GRM3: variants seen among roughly 807,000 people sequenced by gnomAD.
The protein encoded by GRM3 is glutamate metabotropic receptor 3.
Under a neutral mutation model 70.5 loss-of-function variants are expected in GRM3, and 26 were observed. The ratio of observed to expected loss-of-function variants is 0.37; its 90% CI spans 0.27 to 0.51. The LOEUF (loss-of-function observed/expected upper bound fraction) is 0.51, where lower values mean the gene tolerates loss of function less well. GRM3 is among the 20% of genes least tolerant of loss of function. The pLI, the probability that GRM3 is intolerant of heterozygous loss-of-function variation, is 0.93. For synonymous variants in GRM3, 443 were observed against 434.9 expected (o/e 1.02, Z -0.23); for missense variants, 859 against 1,123.8 (o/e 0.76, Z 3.37).
Position 86,839,855 on chromosome 7 carries a change from A to T in GRM3, c.2341A>T (p.Ile781Phe). The stretch of plus-strand genomic sequence containing the variant: ...TTTTACCATGTACACCACGTGCATC[A>T]TCTGGTTGGCCTTCCTCCCTATATT... ...IGFTMYTTCI[I>F]WLAFLPIFYV... The change falls in exon 4 of 6, where the codon ATC becomes TTC. Residue 781 changes from isoleucine to phenylalanine, a missense_variant. Transcript: ENST00000361669. This position sits in a 1 kb window ranked among gnomAD's most constrained non-coding sequence, Gnocchi z 4.5. 1 of 1,613,706 alleles carries T rather than the reference A, an allele frequency of 6.2e-7. No homozygotes were observed.
chr7:86,840,141 C>T (rs776748998), intron 4 of GRM3, among the ~76,000 whole-genome samples: 36 of 152,074 alleles, frequency 2.4e-4, no homozygotes, highest in South Asian at 1.7e-3. Context: ...ATAAATGATA[C>T]GGTCATTTAC....
In GRM3 at chr7:86,709,583, A is replaced by C. The variant is rs76887509; in HGVS notation, c.-140-55423A>C. On this transcript the variant is annotated intron_variant, in intron 1 of 5. Transcript: ENST00000361669. The stretch of plus-strand genomic sequence containing the variant: ...GTACCTTCGGGGGGGTGGGGGTAGC[A>C]AATGGAACCACTCTGCTCTCATCCC... 9.3e-3 allele frequency among the ~76,000 whole-genome samples: 1,417 copies of C among 152,144 alleles called. 11 individuals carry two copies. The highest frequency in any genetic ancestry group is 0.022 in the South Asian group (107 of 4,818).
intron 1 of GRM3, among the ~76,000 whole-genome samples, chr7:86,645,541 T>C (rs932638907): frequency 2.6e-5 from 4 of 152,166 alleles, no homozygotes; most frequent in African/African-American, 9.6e-5. Flanking sequence ...GGCGGGAGAT[T>C]TGCGATCCAA....
rs554118041 is a variant in GRM3 at position 86,711,128 on chromosome 7, T to G, written c.-140-53878T>G. Among the ~76,000 whole-genome samples, 74 of 152,074 alleles carry G rather than the reference T, an allele frequency of 4.9e-4. 1 individual carries two copies. The highest frequency in any genetic ancestry group is 2.2e-4 in the Non-Finnish European group (15 of 67,962). On this transcript the variant is annotated intron_variant, in intron 1 of 5. Coordinates refer to ENST00000361669, the MANE Select transcript of GRM3 (RefSeq NM_000840.3). ...AGGGACCATAATAAAATATATTTCT[T>G]GTAGTAGGGGCTCAATATGATTTGT...
chr7:86,838,025 C>T (rs1486182357), intron 3 of GRM3, among the ~76,000 whole-genome samples: 3 of 152,148 alleles, frequency 2.0e-5, no homozygotes, highest in Non-Finnish European at 4.4e-5. Flanking sequence ...CATGTATGCT[C>T]AGAGCTTCTG....
chr7:86,758,733 A>T (rs770428634), intron 1 of GRM3, among the ~76,000 whole-genome samples: 9 of 152,152 alleles, frequency 5.9e-5, no homozygotes, highest in Non-Finnish European at 1.2e-4. Flanking sequence ...CTCTAAATTC[A>T]GAAGATAAAG....
At chr7:86,758,468 G>A (rs1195963850) in intron 1 of GRM3, among the ~76,000 whole-genome samples, 1 of 152,160 alleles carries the variant, frequency 6.6e-6, no homozygotes, top group Non-Finnish European at 1.5e-5. Flanking sequence ...GCTTTGTAAT[G>A]AGGGTAAGGA....
At chr7:86,688,384 T>G (rs995855782) in intron 1 of GRM3, among the ~76,000 whole-genome samples, 1 of 151,618 alleles carries the variant, frequency 6.6e-6, no homozygotes. Flanking sequence ...TAAGTAGAAG[T>G]GCAAAATATA....
chr7:86,739,503 C>T (rs1440274620), intron 1 of GRM3, among the ~76,000 whole-genome samples: 5 of 152,184 alleles, frequency 3.3e-5, no homozygotes, highest in Admixed American at 2.6e-4. Flanking sequence ...GAATTACCTA[C>T]GTAGAACGGC....
chr7:86,817,468 T>A (rs1798039198), intron 3 of GRM3, among the ~76,000 whole-genome samples: 1 of 151,980 alleles, frequency 6.6e-6, no homozygotes, highest in Non-Finnish European at 1.5e-5. Flanking sequence ...TTTTCTCCAG[T>A]TACATCCTAT....
At chr7:86,795,267 T>C (rs1013947103) in intron 3 of GRM3, among the ~76,000 whole-genome samples, 3 of 143,426 alleles carry the variant, frequency 2.1e-5, no homozygotes, top group Non-Finnish European at 4.5e-5. Flanking sequence ...TATTTTATTT[T>C]ATTTTATTTT....
chr7:86,669,555 T>G (rs1427472992), intron 1 of GRM3, among the ~76,000 whole-genome samples: 1 of 152,234 alleles, frequency 6.6e-6, no homozygotes, highest in Non-Finnish European at 1.5e-5. Flanking sequence ...AAGACTTAGC[T>G]GTGAGTTCCT....
chr7:86,744,990 T>C (rs1796070038), intron 1 of GRM3, among the ~76,000 whole-genome samples: 1 of 151,990 alleles, frequency 6.6e-6, no homozygotes, highest in Non-Finnish European at 1.5e-5. Flanking sequence ...TTAGTTGTCT[T>C]GGCATTTCAT....
intron 3 of GRM3, among the ~76,000 whole-genome samples, chr7:86,806,540 A>G (rs922543151): frequency 2.0e-5 from 3 of 152,338 alleles, no homozygotes; most frequent in African/African-American, 7.2e-5. Flanking sequence ...GGCTGCATAA[A>G]TGTCTTCTTT....
intron 1 of GRM3, among the ~76,000 whole-genome samples, chr7:86,654,000 G>A (rs1199719500): frequency 1.3e-5 from 2 of 152,286 alleles, no homozygotes; most frequent in African/African-American, 2.4e-5. Flanking sequence ...GATCTGCAGC[G>A]TGGGGGCAGG....
At chr7:86,686,493 A>G (rs1330924778) in intron 1 of GRM3, among the ~76,000 whole-genome samples, 9 of 152,232 alleles carry the variant, frequency 5.9e-5, no homozygotes, top group African/African-American at 2.2e-4. Flanking sequence ...TTTTTAAGGA[A>G]AAACAGTTTA....
At position 86,839,983 on chromosome 7, in the gene GRM3, T is replaced by C. The variant is rs1798530619; in HGVS notation, c.2391+78T>C. The C allele has an allele frequency of 2.5e-6, 2 of 791,562 alleles. No individual in the cohort carries two copies. Among genetic ancestry groups the C allele is most frequent in the East Asian group, 4.9e-5 (2 of 40,726 alleles). The allele number at this position is 791,562 out of a possible 1,614,324, so 49.0% of individuals were successfully genotyped here. A position where few individuals can be genotyped will look rare whatever the true frequency, so the allele number is the denominator to read the frequency against. On this transcript the variant is annotated intron_variant, in intron 4 of 5. Transcript: ENST00000361669. The surrounding 1 kb of genome is among the most constrained non-coding windows in gnomAD (Gnocchi z 4.5). ...TTGTGTAGTATTTAAAATAGACTCC[T>C]TTTATTTCATCTCAACGAGTTGGGT...
chr7:86,769,532 G>T (rs566197599), intron 2 of GRM3, among the ~76,000 whole-genome samples: 1 of 152,246 alleles, frequency 6.6e-6, no homozygotes, highest in African/African-American at 2.4e-5. Flanking sequence ...TTCAGGAAGT[G>T]CTTTCTCTCC....
intron 2 of GRM3, among the ~76,000 whole-genome samples, chr7:86,767,616 C>T (rs1403291559): frequency 6.8e-6 from 1 of 146,708 alleles, no homozygotes; most frequent in African/African-American, 2.5e-5. Flanking sequence ...ATACTTCAAT[C>T]ATAATTTCCA....
Sources: allele counts gnomAD v4.1 joint callset (sites outside exome capture counted in the v4.1 genomes callset), GRCh38; gene constraint gnomAD v4.1.1; non-coding constraint Gnocchi (gnomAD v3.1); transcripts MANE v1.5; gene names NCBI Gene and HGNC (gene_info 2026-07-23, HGNC 2026-07-21).